The following TRAIP variants were observed in gnomAD, a reference collection of about 807,000 sequenced individuals.
The protein encoded by TRAIP is E3 ubiquitin-protein ligase TRAIP.
TRAIP carries 37 observed loss-of-function variants against 65.0 expected under a neutral mutation model. That is an observed-to-expected ratio of 0.57 (90% CI 0.44 to 0.75). TRAIP has a LOEUF of 0.75. Ranked by LOEUF, TRAIP falls within the 30% of genes least tolerant of loss-of-function variation. The pLI is 0.00. For synonymous variants in TRAIP, 187 were observed against 219.1 expected (o/e 0.85, Z 1.29); for missense variants, 481 against 579.4 (o/e 0.83, Z 1.74).
At chr3:49,837,946 A>T (rs1176503673) in intron 10 of TRAIP, among the ~76,000 whole-genome samples, 1 of 151,714 alleles carries the variant, frequency 6.6e-6, no homozygotes, top group Non-Finnish European at 1.5e-5. Flanking sequence ...GCAGTGGCAC[A>T]ATCATAGCTC....
chr3:49,844,735 G>C, intron 3 of TRAIP, 155 bp from the exon 4 acceptor site: 1 of 788,868 alleles, frequency 1.3e-6, no homozygotes, highest in South Asian at 1.6e-5. Flanking sequence ...GCTAACAATG[G>C]AAAGATAAGC....
intron 1 of TRAIP, among the ~76,000 whole-genome samples, chr3:49,852,638 C>A (rs2081942566): frequency 6.6e-6 from 1 of 151,732 alleles, no homozygotes; most frequent in Admixed American, 6.6e-5. Context: ...GCCTGTAGTC[C>A]CAGCTACTCG....
At chr3:49,841,767 C>T in intron 7 of TRAIP, 59 bp downstream of exon 7, 1 of 1,384,412 alleles carries the variant, frequency 7.2e-7, no homozygotes, top group Non-Finnish European at 1.0e-6. Context: ...GGAGCAATGA[C>T]ACGGCTGGGG....
At position 49,841,770 on chromosome 3, in the gene TRAIP, G is replaced by A. The variant is rs560468629; in HGVS notation, c.617+56C>T. ...TACAAGAGATGGGGAGCAATGACAC[G>A]GCTGGGGCCCCATGGCCTATCTCCT... is the stretch of plus-strand genomic sequence containing the variant. On this transcript the variant is annotated intron_variant, in intron 7 of 14. Coordinates refer to ENST00000331456, the MANE Select transcript of TRAIP (RefSeq NM_005879.3). The A allele has an allele frequency of 7.7e-6, 11 of 1,435,760 alleles. No individual in the cohort carries two copies. The East Asian group carries it at 1.4e-4, about 18-fold the overall frequency. The allele number at this position is 1,435,760 out of a possible 1,614,324, so 88.9% of individuals were successfully genotyped here.
intron 2 of TRAIP, 136 bp downstream of exon 2, chr3:49,848,007 G>T: frequency 1.1e-6 from 1 of 934,068 alleles, no homozygotes; most frequent in Non-Finnish European, 1.7e-6. Context: ...AAGGGCACAA[G>T]TGAGGCTCAA....
At chr3:49,830,208 G>A in intron 11 of TRAIP, 140 bp from the exon 12 acceptor site, 1 of 916,224 alleles carries the variant, frequency 1.1e-6, no homozygotes. Context: ...GCACCTCAGT[G>A]ATCCCACCCC....
In TRAIP at chr3:49,828,930, G is replaced by A. The variant is rs149659418; in HGVS notation, c.*173C>T. On this transcript the variant is annotated 3_prime_UTR_variant, in exon 15 of 15. Coordinates refer to ENST00000331456, the MANE Select transcript of TRAIP (RefSeq NM_005879.3). ...CTCCCAGTCGTAGGAGTGGGGCAGG[G>A]TGAGGGCAGGAAGAGCAGTCTCTGG... 1,226 of 837,870 alleles carry A rather than the reference G, an allele frequency of 1.5e-3. 11 individuals are homozygous for A. The African/African-American group carries it at 0.018, about 12-fold the overall frequency. The allele number at this position is 837,870 out of a possible 1,614,324, so 51.9% of individuals were successfully genotyped here.
chr3:49,854,599 A>C (rs1221255445), intron 1 of TRAIP, among the ~76,000 whole-genome samples: 1 of 152,230 alleles, frequency 6.6e-6, no homozygotes, highest in African/African-American at 2.4e-5. Flanking sequence ...CTACCAAGGC[A>C]AGAAAGGAGA....
At chr3:49,841,433 T>C (rs2081838375) in intron 7 of TRAIP, among the ~76,000 whole-genome samples, 1 of 152,000 alleles carries the variant, frequency 6.6e-6, no homozygotes, top group African/African-American at 2.4e-5. Flanking sequence ...CCCACCAGAG[T>C]GAAGAATATG....
chr3:49,848,932 C>T (rs899396212), intron 1 of TRAIP, among the ~76,000 whole-genome samples: 8 of 151,860 alleles, frequency 5.3e-5, no homozygotes, highest in South Asian at 2.1e-4. Context: ...CTGCAAACTC[C>T]GCCTCCTTGG....
intron 1 of TRAIP, among the ~76,000 whole-genome samples, chr3:49,848,766 C>A (rs1313536368): frequency 5.3e-5 from 8 of 151,858 alleles, no homozygotes; most frequent in Non-Finnish European, 7.4e-5. Flanking sequence ...CTCTGTTTAC[C>A]CTGAAGTGAT....
intron 11 of TRAIP, among the ~76,000 whole-genome samples, chr3:49,831,663 A>G (rs2081733895): frequency 1.3e-5 from 2 of 152,242 alleles, no homozygotes. Context: ...GCATCACTGC[A>G]TTCTCTCTAA....
At chr3:49,840,593 C>T (rs2108315365) in intron 8 of TRAIP, 1 of 574,206 alleles carries the variant, frequency 1.7e-6, no homozygotes, top group African/African-American at 1.9e-5. Context: ...GTGGATGCAC[C>T]ATGCCAGAAG....
chr3:49,851,085 T>C (rs957536552), intron 1 of TRAIP, among the ~76,000 whole-genome samples: 1 of 151,964 alleles, frequency 6.6e-6, no homozygotes, highest in Non-Finnish European at 1.5e-5. Context: ...GCTCAGGTGA[T>C]GATCACCTCA....
chr3:49,848,054 G>C (rs1444181551), intron 2 of TRAIP, 89 bp downstream of exon 2: 13 of 1,471,860 alleles, frequency 8.8e-6, no homozygotes, highest in Non-Finnish European at 1.1e-5. Context: ...AAAGGTCAGA[G>C]ATATTGCAGT....
intron 1 of TRAIP, among the ~76,000 whole-genome samples, chr3:49,850,273 G>C (rs2081919720): frequency 2.0e-5 from 3 of 152,022 alleles, no homozygotes; most frequent in African/African-American, 7.2e-5. Flanking sequence ...GGTCGAGGCG[G>C]GTGGATCATC....
intron 1 of TRAIP, among the ~76,000 whole-genome samples, chr3:49,849,160 AT>A (rs2108320321): frequency 6.6e-6 from 1 of 152,018 alleles, no homozygotes; most frequent in African/African-American, 2.4e-5. Context: ...ATTTTTTTAA[AT>A]TAAATTTTTT....
At chr3:49,843,162 G>T (rs1407638233) in intron 5 of TRAIP, 2 of 153,848 alleles carry the variant, frequency 1.3e-5, no homozygotes, top group East Asian at 3.8e-4. Context: ...TCACAAGGAT[G>T]GCTCCCTTTC....
intron 4 of TRAIP, 147 bp downstream of exon 4, chr3:49,844,394 C>T: frequency 2.3e-6 from 2 of 877,312 alleles, no homozygotes; most frequent in South Asian, 1.6e-5. Flanking sequence ...TTTCTGCCCA[C>T]CACAACAGCT....
Sources: allele counts gnomAD v4.1 joint callset (sites outside exome capture counted in the v4.1 genomes callset), GRCh38; gene constraint gnomAD v4.1.1; transcripts MANE v1.5; gene names NCBI Gene and HGNC (gene_info 2026-07-23, HGNC 2026-07-21).